Variants in CAMK4 observed in about 807,000 individuals in gnomAD.
CAMK4 encodes the protein calcium/calmodulin-dependent protein kinase type IV.
A neutral mutation model predicts 44.9 loss-of-function variants in CAMK4; 22 were observed. The observed-to-expected ratio is 0.49, with a 90% CI of 0.35 to 0.70. The LOEUF (loss-of-function observed/expected upper bound fraction) is 0.70, where lower values mean the gene tolerates loss of function less well. Among genes scored for constraint, CAMK4 ranks in the 30% least tolerant of loss-of-function variants. CAMK4 has a pLI of 0.01. For synonymous variants in CAMK4, 218 were observed against 215.4 expected (o/e 1.01, Z -0.11); for missense variants, 498 against 586.8 (o/e 0.85, Z 1.56).
chr5:111,369,524 T>TA (rs1561444579), intron 2 of CAMK4, among the ~76,000 whole-genome samples: 1 of 152,132 alleles, frequency 6.6e-6, no homozygotes, highest in Admixed American at 6.6e-5. Context: ...TTTTTCAAAA[T>TA]AAAAAATATT....
chr5:111,460,018 G>A (rs1754584697), intron 7 of CAMK4, among the ~76,000 whole-genome samples: 1 of 151,980 alleles, frequency 6.6e-6, no homozygotes, highest in Non-Finnish European at 1.5e-5. Context: ...TGTGGGGGTG[G>A]GATGATGGGA....
At chr5:111,372,142 C>T (rs1254940917) in intron 2 of CAMK4, among the ~76,000 whole-genome samples, 1 of 152,094 alleles carries the variant, frequency 6.6e-6, no homozygotes, top group South Asian at 2.1e-4. Flanking sequence ...TTATTAGTTA[C>T]TGATCGATTA....
chr5:111,230,449 A>C (rs1431598957), intron 1 of CAMK4, among the ~76,000 whole-genome samples: 6 of 152,224 alleles, frequency 3.9e-5, no homozygotes, highest in Admixed American at 1.3e-4. Flanking sequence ...AAATATACTC[A>C]CTGTAAAAAC....
At chr5:111,368,056 G>A (rs913006254) in intron 2 of CAMK4, among the ~76,000 whole-genome samples, 9 of 152,012 alleles carry the variant, frequency 5.9e-5, no homozygotes, top group Non-Finnish European at 1.2e-4. Context: ...TTTTTCTAGG[G>A]AACTTGGGCT....
intron 1 of CAMK4, among the ~76,000 whole-genome samples, chr5:111,309,557 G>T (rs60971691): frequency 6.6e-6 from 1 of 152,044 alleles, no homozygotes; most frequent in Non-Finnish European, 1.5e-5. Flanking sequence ...ACTGACTCTG[G>T]TTCTGAGCCA....
chr5:111,340,314 AG>A (rs1442790947), intron 1 of CAMK4, among the ~76,000 whole-genome samples: 1 of 151,310 alleles, frequency 6.6e-6, no homozygotes, highest in Non-Finnish European at 1.5e-5. Flanking sequence ...TTAGAGGAAC[AG>A]CTTTCAACTT....
intron 1 of CAMK4, chr5:111,302,333 C>G (rs1188549093): frequency 6.6e-6 from 1 of 150,482 alleles, no homozygotes; most frequent in Non-Finnish European, 1.5e-5. Context: ...ATCTGAGGTA[C>G]CGGGTTCATC....
At chr5:111,295,797 A>G (rs1654972019) in intron 1 of CAMK4, among the ~76,000 whole-genome samples, 1 of 152,218 alleles carries the variant, frequency 6.6e-6, no homozygotes. Context: ...AGAAAATGAG[A>G]GGGGAACAAG....
intron 1 of CAMK4, among the ~76,000 whole-genome samples, chr5:111,228,509 G>GGTGTGTGTGTGTGTGT (rs373248608): frequency 2.1e-4 from 31 of 145,354 alleles, no homozygotes; most frequent in Admixed American, 1.1e-3. Flanking sequence ...CATAGTAAGG[G>GGTGTGTGTGTGTGTGT]GTGTGTGTGT....
At chr5:111,461,898 T>G (rs1754658076) in intron 7 of CAMK4, among the ~76,000 whole-genome samples, 1 of 151,526 alleles carries the variant, frequency 6.6e-6, no homozygotes, top group South Asian at 2.1e-4. Flanking sequence ...GTTCAGGCTT[T>G]TAGATGCAAA....
At chr5:111,366,690 G>A (rs1750805349) in intron 2 of CAMK4, among the ~76,000 whole-genome samples, 1 of 152,068 alleles carries the variant, frequency 6.6e-6, no homozygotes, top group Non-Finnish European at 1.5e-5. Flanking sequence ...CAGTGATGGA[G>A]CCTTTTTCTC....
intron 2 of CAMK4, among the ~76,000 whole-genome samples, chr5:111,352,430 A>C (rs561546591): frequency 1.3e-5 from 2 of 152,080 alleles, no homozygotes; most frequent in East Asian, 1.9e-4. Context: ...AGCCATTAAC[A>C]ATAAAAATAA....
At chr5:111,433,020 A>G (rs1385523824) in intron 5 of CAMK4, among the ~76,000 whole-genome samples, 1 of 152,206 alleles carries the variant, frequency 6.6e-6, no homozygotes, top group Admixed American at 6.5e-5. Context: ...AAAGAATGTC[A>G]TGGGAGGCAG....
intron 5 of CAMK4, among the ~76,000 whole-genome samples, chr5:111,409,394 G>A (rs951576751): frequency 2.6e-5 from 4 of 152,202 alleles, no homozygotes; most frequent in Non-Finnish European, 4.4e-5. Flanking sequence ...TGGAGCTGAA[G>A]CAGCTGGGAC....
At chr5:111,358,160 C>T (rs1457769202) in intron 2 of CAMK4, 1 of 152,050 alleles carries the variant, frequency 6.6e-6, no homozygotes, top group Non-Finnish European at 1.5e-5. Flanking sequence ...AAATAATATT[C>T]GATGTGTGCA....
chr5:111,248,338 T>C (rs980002100), intron 1 of CAMK4, among the ~76,000 whole-genome samples: 19 of 134,906 alleles, frequency 1.4e-4, no homozygotes, highest in African/African-American at 5.4e-4. Flanking sequence ...TAAATTGTAA[T>C]AGCTTTTAAA....
At chr5:111,479,067 T>C (rs1313433726) in intron 9 of CAMK4, among the ~76,000 whole-genome samples, 1 of 152,092 alleles carries the variant, frequency 6.6e-6, no homozygotes, top group African/African-American at 2.4e-5. Flanking sequence ...TTTGGAAATA[T>C]GGGGTCTTGC....
chr5:111,294,033 C>G (rs1004895721), intron 1 of CAMK4, among the ~76,000 whole-genome samples: 2 of 152,134 alleles, frequency 1.3e-5, no homozygotes, highest in African/African-American at 4.8e-5. Flanking sequence ...AGGTGTGAGC[C>G]ACCGCGCCCG....
chr5:111,353,259 G>T (rs1295018791), intron 2 of CAMK4, among the ~76,000 whole-genome samples: 1 of 151,816 alleles, frequency 6.6e-6, no homozygotes, highest in Non-Finnish European at 1.5e-5. Context: ...TCTTTGTAAG[G>T]TCAGTCTTGG....
Sources: gnomAD v4.1 joint callset for allele counts (sites outside exome capture counted in the v4.1 genomes callset) on GRCh38, gnomAD v4.1.1 for gene constraint, MANE v1.5 for transcripts, NCBI Gene and HGNC (gene_info 2026-07-23, HGNC 2026-07-21) for gene names.